Variants in ASCC3 observed in about 807,000 individuals in gnomAD.
The protein encoded by ASCC3 is ASC-1 complex subunit P200.
ASCC3 carries 158 observed loss-of-function variants against 256.3 expected under a neutral mutation model. That is an observed-to-expected ratio of 0.62 (90% confidence interval 0.54 to 0.70). ASCC3 has a LOEUF of 0.70. ASCC3 is among the 30% of genes least tolerant of loss of function. ASCC3 has a pLI of 0.00. For synonymous variants in ASCC3, 948 were observed against 883.4 expected (o/e 1.07, Z -1.30); for missense variants, 2,259 against 2,626.0 (o/e 0.86, Z 3.05).
At chr6:100,751,432 T>C (rs1780931477) in intron 10 of ASCC3, among the ~76,000 whole-genome samples, 1 of 151,926 alleles carries the variant, frequency 6.6e-6, no homozygotes, top group Non-Finnish European at 1.5e-5. Context: ...AGGAAAGACA[T>C]CCCAGACCCC....
At chr6:100,594,407 T>A (rs1398857147) in intron 34 of ASCC3, among the ~76,000 whole-genome samples, 1 of 152,146 alleles carries the variant, frequency 6.6e-6, no homozygotes, top group Non-Finnish European at 1.5e-5. Context: ...TTTAGCATTT[T>A]AAAAAATTTT....
chr6:100,731,034 T>C (rs1779879381), intron 10 of ASCC3, among the ~76,000 whole-genome samples: 1 of 151,938 alleles, frequency 6.6e-6, no homozygotes, highest in Non-Finnish European at 1.5e-5. Context: ...ACAAAGAGTG[T>C]CACCTGAAAT....
intron 36 of ASCC3, among the ~76,000 whole-genome samples, chr6:100,543,430 C>T (rs951571759): frequency 1.3e-4 from 19 of 151,720 alleles, no homozygotes; most frequent in Non-Finnish European, 8.8e-5. Flanking sequence ...CACTAATATA[C>T]ATATATAAAT....
At chr6:100,679,142 T>C (rs746096753) in intron 14 of ASCC3, among the ~76,000 whole-genome samples, 1 of 152,138 alleles carries the variant, frequency 6.6e-6, no homozygotes, top group Admixed American at 6.5e-5. Context: ...CTTTTTGTCC[T>C]TTGAGCATGT....
Position 100,525,872 on chromosome 6 carries a change from A to C in ASCC3, c.5776-7730T>G, listed in dbSNP as rs190988925. On this transcript the variant is annotated intron_variant, in intron 37 of 41. Coordinates refer to ENST00000369162, the MANE Select transcript of ASCC3 (RefSeq NM_006828.4). ...ATCCTAGGCAGCTTGTTAAAACATT[A>C]GTTGTTAGACATCTGCTAGAAAATG... Among the ~76,000 whole-genome samples the C allele has an allele frequency of 4.1e-4, 63 of 152,228 alleles. 1 individual carries two copies. The highest frequency in any genetic ancestry group is 1.5e-3 in the African/African-American group (62 of 41,578).
intron 16 of ASCC3, among the ~76,000 whole-genome samples, chr6:100,656,766 A>C (rs376698447): frequency 6.6e-6 from 1 of 151,156 alleles, no homozygotes; most frequent in Non-Finnish European, 1.5e-5. Context: ...TATAGGTAGT[A>C]ATTTTATTTT....
intron 11 of ASCC3, among the ~76,000 whole-genome samples, chr6:100,723,905 T>G (rs1267582114): frequency 7.2e-6 from 1 of 138,134 alleles, no homozygotes; most frequent in Non-Finnish European, 1.6e-5. Flanking sequence ...TATTTATAAT[T>G]ATATATATGA....
intron 10 of ASCC3, among the ~76,000 whole-genome samples, chr6:100,732,445 G>C (rs1242754498): frequency 6.6e-6 from 1 of 152,104 alleles, no homozygotes; most frequent in Non-Finnish European, 1.5e-5. Flanking sequence ...GTAAGATAAA[G>C]GCTACTGAAA....
At chr6:100,522,378 A>G (rs1480570368) in intron 37 of ASCC3, among the ~76,000 whole-genome samples, 1 of 152,116 alleles carries the variant, frequency 6.6e-6, no homozygotes, top group Non-Finnish European at 1.5e-5. Context: ...TAGTTAGCAA[A>G]AACAATAGGG....
intron 4 of ASCC3, among the ~76,000 whole-genome samples, chr6:100,830,421 GAT>G (rs1317668897): frequency 2.0e-5 from 3 of 152,068 alleles, no homozygotes; most frequent in African/African-American, 7.2e-5. Flanking sequence ...ATTTGTATGA[GAT>G]ATATTACATT....
intron 40 of ASCC3, among the ~76,000 whole-genome samples, chr6:100,510,705 G>A (rs1773717011): frequency 6.6e-6 from 1 of 152,088 alleles, no homozygotes; most frequent in Non-Finnish European, 1.5e-5. Context: ...TTTAAGTCAA[G>A]CAATTTGTAA....
chr6:100,543,170 C>T (rs1423513358), intron 36 of ASCC3, among the ~76,000 whole-genome samples: 1 of 152,080 alleles, frequency 6.6e-6, no homozygotes, highest in Non-Finnish European at 1.5e-5. Context: ...GTAACTTACA[C>T]ATATCCTCCT....
chr6:100,733,238 A>T (rs747100568), intron 10 of ASCC3, among the ~76,000 whole-genome samples: 10 of 152,160 alleles, frequency 6.6e-5, no homozygotes, highest in Non-Finnish European at 1.3e-4. Context: ...TCTTCTATAG[A>T]ACACTATTCT....
At chr6:100,591,503 A>G (rs1238987544) in intron 34 of ASCC3, among the ~76,000 whole-genome samples, 3 of 152,042 alleles carry the variant, frequency 2.0e-5, no homozygotes, top group African/African-American at 7.2e-5. Flanking sequence ...TTCCAATACT[A>G]TTTTTAGCTG....
chr6:100,690,326 G>T (rs776630846), intron 13 of ASCC3, among the ~76,000 whole-genome samples: 2 of 152,058 alleles, frequency 1.3e-5, no homozygotes, highest in Non-Finnish European at 2.9e-5. Context: ...TATTTTCCAT[G>T]TGAAGTTGTT....
At chr6:100,856,872 G>A (rs1303949581) in intron 3 of ASCC3, 1 of 151,992 alleles carries the variant, frequency 6.6e-6, no homozygotes, top group Non-Finnish European at 1.5e-5. Flanking sequence ...CTACATTAAG[G>A]CTATCACAAA....
rs140679931 is a variant in ASCC3 at position 100,824,585 on chromosome 6, T to A, written c.802-18705A>T. 1.3e-4 allele frequency among the ~76,000 whole-genome samples: 20 copies of A among 152,316 alleles called. No homozygotes were observed. The East Asian group carries it at 3.5e-3, about 26-fold the overall frequency. On this transcript the variant is annotated intron_variant, in intron 4 of 41. Transcript: ENST00000369162. Reference sequence around the variant, plus strand: ...AGGCAGATTATGGAATTAATGTCAATATTGAGATCAGCCACTAAAGTTATT... The same window carrying A: ...AGGCAGATTATGGAATTAATGTCAAAATTGAGATCAGCCACTAAAGTTATT...
chr6:100,659,416 T>C (rs1009347131), intron 16 of ASCC3, among the ~76,000 whole-genome samples: 1 of 151,478 alleles, frequency 6.6e-6, no homozygotes, highest in Admixed American at 6.6e-5. Flanking sequence ...GATTAGAATA[T>C]GAGCAAGTTA....
chr6:100,726,284 C>T (rs777622861), intron 10 of ASCC3, among the ~76,000 whole-genome samples: 110 of 151,672 alleles, frequency 7.3e-4, no homozygotes, highest in Non-Finnish European at 1.2e-3. Flanking sequence ...ATTAATGGCA[C>T]ATTAAAATAT....
Sources: allele counts gnomAD v4.1 joint callset (sites outside exome capture counted in the v4.1 genomes callset), GRCh38; gene constraint gnomAD v4.1.1; transcripts MANE v1.5; gene names NCBI Gene and HGNC (gene_info 2026-07-23, HGNC 2026-07-21).